The following NKAIN2 variants were observed in gnomAD, a reference collection of about 807,000 sequenced individuals.
NKAIN2 encodes sodium/potassium transporting ATPase interacting 2.
In NKAIN2, 14 loss-of-function variants were observed where a neutral mutation model predicts 32.6. The observed-to-expected ratio is 0.43, with a 90% CI of 0.28 to 0.67. NKAIN2 has a LOEUF of 0.67. NKAIN2 is among the 30% of genes least tolerant of loss of function. The pLI, the probability that NKAIN2 is intolerant of heterozygous loss-of-function variation, is 0.17. For missense variants in NKAIN2, 198 were observed against 258.3 expected (o/e 0.77, Z 1.60); for synonymous variants, 80 against 87.2 (o/e 0.92, Z 0.46).
chr6:124,476,131 A>G (rs942787276), intron 3 of NKAIN2, among the ~76,000 whole-genome samples: 2 of 149,610 alleles, frequency 1.3e-5, no homozygotes, highest in Non-Finnish European at 3.0e-5. Flanking sequence ...AAGGATGCAC[A>G]GGAAAATAAT....
chr6:124,630,410 T>G (rs1036276975), intron 3 of NKAIN2, among the ~76,000 whole-genome samples: 1 of 152,180 alleles, frequency 6.6e-6, no homozygotes, highest in Non-Finnish European at 1.5e-5. Flanking sequence ...CCCTTTTACT[T>G]CTCTGGTACT....
Position 124,180,127 on chromosome 6 carries a change from G to A in NKAIN2, c.55-102878G>A, listed in dbSNP as rs1211260913. ...ATATCTACTGTGTGTGTGTGTGTGTGTATGTATCCAGATAGATAGATAGAT... is the reference window on the plus strand; with the variant it reads ...ATATCTACTGTGTGTGTGTGTGTGTATATGTATCCAGATAGATAGATAGAT... On this transcript the variant is annotated intron_variant, in intron 1 of 6. Transcript: ENST00000368417. Among the ~76,000 whole-genome samples the A allele has an allele frequency of 3.3e-5, 5 of 152,154 alleles. No individual in the cohort carries two copies. The East Asian group carries it at 9.7e-4, about 29-fold the overall frequency.
rs1458098859 is a variant in NKAIN2 at position 124,220,918 on chromosome 6, C to T, written c.55-62087C>T. Among the ~76,000 whole-genome samples the T allele has an allele frequency of 2.6e-5, 4 of 152,166 alleles. No individual in the cohort carries two copies. In the East Asian group the frequency reaches 7.7e-4, roughly 29 times the overall value. On this transcript the variant is annotated intron_variant, in intron 1 of 6. Coordinates refer to ENST00000368417, the MANE Select transcript of NKAIN2 (RefSeq NM_001040214.3). ...TCACGTATTTAGATTCAAAATCTGG[C>T]TGCTCTATATAAAAGAAATAATTTT...
At chr6:124,212,686 A>G (rs1201357035) in intron 1 of NKAIN2, among the ~76,000 whole-genome samples, 1 of 152,152 alleles carries the variant, frequency 6.6e-6, no homozygotes, top group Non-Finnish European at 1.5e-5. Flanking sequence ...AGGATTTAGT[A>G]TGAATTTTCT....
intron 4 of NKAIN2, among the ~76,000 whole-genome samples, chr6:124,675,376 G>A (rs950375380): frequency 7.9e-5 from 12 of 151,938 alleles, no homozygotes; most frequent in African/African-American, 2.9e-4. Flanking sequence ...TCTTTTTGTG[G>A]TTCTGATATC....
At chr6:123,881,322 A>T (rs1342977403) in intron 1 of NKAIN2, among the ~76,000 whole-genome samples, 1 of 152,170 alleles carries the variant, frequency 6.6e-6, no homozygotes, top group African/African-American at 2.4e-5. Context: ...ATGCCCGGAC[A>T]CTAGGGATTT....
chr6:124,300,220 C>G (rs1233612605), intron 2 of NKAIN2, among the ~76,000 whole-genome samples: 1 of 152,080 alleles, frequency 6.6e-6, no homozygotes, highest in African/African-American at 2.4e-5. Context: ...GGTCATTTCC[C>G]CTATACTGTC....
intron 1 of NKAIN2, among the ~76,000 whole-genome samples, chr6:124,187,158 C>A (rs1014622257): frequency 3.9e-5 from 6 of 152,010 alleles, no homozygotes; most frequent in Non-Finnish European, 5.9e-5. Flanking sequence ...GTCTTTAATA[C>A]TTTTCTTAAT....
At chr6:124,691,755 C>A (rs916478416) in intron 4 of NKAIN2, among the ~76,000 whole-genome samples, 1 of 152,194 alleles carries the variant, frequency 6.6e-6, no homozygotes, top group Non-Finnish European at 1.5e-5. Flanking sequence ...AAGATTATCA[C>A]CTTACTGGTA....
intron 5 of NKAIN2, among the ~76,000 whole-genome samples, chr6:124,815,227 T>TATATAC (rs1554268830): frequency 1.5e-5 from 2 of 135,492 alleles, no homozygotes; most frequent in Non-Finnish European, 3.1e-5. Flanking sequence ...TATATATACA[T>TATATAC]ATATATATAT....
At chr6:124,689,331 A>G (rs763954505) in intron 4 of NKAIN2, among the ~76,000 whole-genome samples, 1 of 152,094 alleles carries the variant, frequency 6.6e-6, no homozygotes. Flanking sequence ...TTGAGTTTTA[A>G]GAGTTCATTG....
chr6:123,822,192 A>T (rs2114890869), intron 1 of NKAIN2, among the ~76,000 whole-genome samples: 1 of 152,152 alleles, frequency 6.6e-6, no homozygotes, highest in South Asian at 2.1e-4. Flanking sequence ...AATTCTTTGC[A>T]CTCGGATGAC....
chr6:124,681,627 C>T (rs191194468), intron 4 of NKAIN2, among the ~76,000 whole-genome samples: 22 of 152,122 alleles, frequency 1.4e-4, no homozygotes, highest in Admixed American at 8.5e-4. Context: ...ATTCTGGTTA[C>T]TTTGCTTATT....
At chr6:123,967,204 G>T (rs1778122064) in intron 1 of NKAIN2, among the ~76,000 whole-genome samples, 1 of 152,112 alleles carries the variant, frequency 6.6e-6, no homozygotes, top group African/African-American at 2.4e-5. Flanking sequence ...TGTTAGCTCA[G>T]GCTTTATCAG....
chr6:124,376,221 T>C (rs1583152350), intron 3 of NKAIN2, among the ~76,000 whole-genome samples: 1 of 152,158 alleles, frequency 6.6e-6, no homozygotes, highest in African/African-American at 2.4e-5. Context: ...CAGCCACACA[T>C]ACATATGCAA....
intron 1 of NKAIN2, among the ~76,000 whole-genome samples, chr6:124,249,033 A>G (rs894024581): frequency 5.3e-5 from 8 of 152,168 alleles, no homozygotes; most frequent in African/African-American, 1.9e-4. Context: ...ACTAAACTTC[A>G]GTTATTAAAT....
intron 3 of NKAIN2, among the ~76,000 whole-genome samples, chr6:124,411,608 C>T (rs1352376263): frequency 1.1e-4 from 16 of 152,216 alleles, no homozygotes; most frequent in African/African-American, 2.7e-4. Flanking sequence ...TCTGGCTGCC[C>T]TTAACATTTT....
In NKAIN2 at chr6:124,083,406, A is replaced by T. The variant is rs547867759; in HGVS notation, c.55-199599A>T. 8.6e-5 allele frequency among the ~76,000 whole-genome samples: 13 copies of T among 152,038 alleles called. No individual in the cohort carries two copies. In the East Asian group the frequency reaches 1.7e-3, roughly 20 times the overall value. Reference sequence around the variant, plus strand: ...TTGTCATCATTACTTTTTTAAACATAAAAAAGTATCAGTAAGTATTATATG... The same window carrying T: ...TTGTCATCATTACTTTTTTAAACATTAAAAAGTATCAGTAAGTATTATATG... On this transcript the variant is annotated intron_variant, in intron 1 of 6. Coordinates refer to ENST00000368417, the MANE Select transcript of NKAIN2 (RefSeq NM_001040214.3).
chr6:124,808,342 A>G (rs1023864102), intron 5 of NKAIN2, among the ~76,000 whole-genome samples: 5 of 152,190 alleles, frequency 3.3e-5, no homozygotes, highest in African/African-American at 9.7e-5. Flanking sequence ...ACGCAAATCA[A>G]TAAATGTAAT....
Sources: allele counts gnomAD v4.1 joint callset (sites outside exome capture counted in the v4.1 genomes callset), GRCh38; gene constraint gnomAD v4.1.1; transcripts MANE v1.5; gene names NCBI Gene and HGNC (gene_info 2026-07-23, HGNC 2026-07-21).